Variants in METTL15 observed in about 807,000 individuals in gnomAD.
The protein encoded by METTL15 is 12S rRNA N(4)-cytidine methyltransferase METTL15.
A neutral mutation model predicts 38.3 loss-of-function variants in METTL15; 34 were observed. That is an observed-to-expected ratio of 0.89 (90% confidence interval 0.68 to 1.18). The LOEUF (loss-of-function observed/expected upper bound fraction) is 1.18, where lower values mean the gene tolerates loss of function less well. Among genes scored for constraint, METTL15 ranks in the 50% most tolerant of loss-of-function variants. METTL15 has a pLI of 0.00. For missense variants in METTL15, 438 were observed against 498.4 expected, an observed-to-expected ratio of 0.88 and a Z score of 1.15; for synonymous variants, 162 against 170.9, an observed-to-expected ratio of 0.95 and a Z score of 0.41.
intron 3 of METTL15, among the ~76,000 whole-genome samples, chr11:28,189,007 A>G (rs1261704582): frequency 6.6e-6 from 1 of 151,346 alleles, no homozygotes; most frequent in African/African-American, 2.4e-5. Flanking sequence ...AATGTGTTCA[A>G]TGTGTGATGT....
chr11:28,110,101 A>G (rs1485759686), intron 1 of METTL15, 65 bp from the exon 2 acceptor site: 1 of 152,262 alleles, frequency 6.6e-6, no homozygotes, highest in Non-Finnish European at 1.5e-5. Flanking sequence ...ACCAAAAAAT[A>G]AAAATGGAAA....
chr11:28,503,393 C>G (rs1303053987), intron 6 of METTL15, among the ~76,000 whole-genome samples: 2 of 152,196 alleles, frequency 1.3e-5, no homozygotes, highest in Admixed American at 6.5e-5. Context: ...TTTATTCTTA[C>G]TCAGAAACCG....
At chr11:28,375,531 A>G (rs1005609074) in intron 5 of METTL15, among the ~76,000 whole-genome samples, 20 of 151,452 alleles carry the variant, frequency 1.3e-4, no homozygotes, top group African/African-American at 4.9e-4. Flanking sequence ...ATCATTTTTT[A>G]TTGTGTCTAT....
chr11:28,511,176 C>T (rs959257247), intron 6 of METTL15, among the ~76,000 whole-genome samples: 3 of 152,190 alleles, frequency 2.0e-5, no homozygotes, highest in Admixed American at 6.5e-5. Flanking sequence ...TTGACCAACA[C>T]AGTGGGGGTG....
At chr11:28,279,727 C>T (rs1472158219) in intron 4 of METTL15, among the ~76,000 whole-genome samples, 2 of 151,910 alleles carry the variant, frequency 1.3e-5, no homozygotes, top group Admixed American at 6.6e-5. Flanking sequence ...GGTGAAACCC[C>T]GTCTCTACCA....
At chr11:28,141,155 G>A (rs530191963) in intron 3 of METTL15, among the ~76,000 whole-genome samples, 5 of 152,236 alleles carry the variant, frequency 3.3e-5, no homozygotes, top group African/African-American at 1.2e-4. Flanking sequence ...GTTTTTAGCG[G>A]TAATTTGGTG....
chr11:28,207,346 T>C (rs1852393914), intron 3 of METTL15, among the ~76,000 whole-genome samples: 1 of 152,176 alleles, frequency 6.6e-6, no homozygotes. Context: ...CAAAGGCCTT[T>C]TCTGCATGTA....
At chr11:28,398,239 A>C (rs1392054425) in intron 5 of METTL15, among the ~76,000 whole-genome samples, 1 of 152,094 alleles carries the variant, frequency 6.6e-6, no homozygotes, top group Non-Finnish European at 1.5e-5. Flanking sequence ...AAAAAATTCA[A>C]AAAAGGATAA....
chr11:28,263,883 T>C (rs760957969), intron 4 of METTL15, among the ~76,000 whole-genome samples: 2 of 152,104 alleles, frequency 1.3e-5, no homozygotes, highest in African/African-American at 2.4e-5. Context: ...CCCTTTGCTA[T>C]GAACGTAACT....
intron 5 of METTL15, among the ~76,000 whole-genome samples, chr11:28,418,691 A>G (rs1020180388): frequency 2.0e-5 from 3 of 152,180 alleles, no homozygotes; most frequent in African/African-American, 7.2e-5. Flanking sequence ...TAGAAAAGAC[A>G]GTTTTGAATT....
intron 6 of METTL15, among the ~76,000 whole-genome samples, chr11:28,430,762 T>C (rs1354557235): frequency 5.0e-3 from 354 of 70,110 alleles, no homozygotes; most frequent in African/African-American, 0.011. Context: ...CCGCCCCGTC[T>C]GGGAGGTGAG....
At chr11:28,186,624 T>G (rs1286480089) in intron 3 of METTL15, among the ~76,000 whole-genome samples, 1 of 151,112 alleles carries the variant, frequency 6.6e-6, no homozygotes, top group Non-Finnish European at 1.5e-5. Context: ...GTGAAAATAG[T>G]GAAGGTTAAA....
intron 3 of METTL15, among the ~76,000 whole-genome samples, chr11:28,118,037 C>T (rs1198089611): frequency 6.6e-6 from 1 of 151,920 alleles, no homozygotes; most frequent in Admixed American, 6.6e-5. Flanking sequence ...GAGTTTCGCT[C>T]TGTCGTCCAG....
intron 4 of METTL15, among the ~76,000 whole-genome samples, chr11:28,212,386 C>T (rs972215383): frequency 1.2e-4 from 19 of 152,036 alleles, no homozygotes; most frequent in South Asian, 6.2e-4. Flanking sequence ...AACTTAGATG[C>T]GCCTTCTTTA....
intron 3 of METTL15, among the ~76,000 whole-genome samples, chr11:28,169,832 A>G (rs1055705288): frequency 1.3e-5 from 2 of 152,136 alleles, no homozygotes; most frequent in African/African-American, 4.8e-5. Flanking sequence ...GAATAATTCT[A>G]TTCTCTTACT....
At chr11:28,379,372 A>G (rs1054690898) in intron 5 of METTL15, among the ~76,000 whole-genome samples, 1 of 151,818 alleles carries the variant, frequency 6.6e-6, no homozygotes, top group Admixed American at 6.6e-5. Flanking sequence ...TTAGTACATC[A>G]TTTGCTGTAT....
chr11:28,113,235 T>TA (rs1851789627), intron 2 of METTL15, 83 bp from the exon 3 acceptor site: 1 of 919,182 alleles, frequency 1.1e-6, no homozygotes, highest in Non-Finnish European at 1.6e-6. Flanking sequence ...GTGCTAAATA[T>TA]TGCATATTAA....
chr11:28,306,816 A>G (rs1410058132), intron 6 of METTL15, among the ~76,000 whole-genome samples: 5 of 152,046 alleles, frequency 3.3e-5, no homozygotes, highest in Non-Finnish European at 2.9e-5. Flanking sequence ...AATGGAAGAA[A>G]GAGTAGTTTT....
chr11:28,487,122 C>T (rs1235394023), intron 6 of METTL15, among the ~76,000 whole-genome samples: 2 of 152,022 alleles, frequency 1.3e-5, no homozygotes, highest in Non-Finnish European at 2.9e-5. Context: ...TTTGCACAGC[C>T]TTTCTGGGGG....
Sources: allele counts gnomAD v4.1 joint callset (sites outside exome capture counted in the v4.1 genomes callset), GRCh38; gene constraint gnomAD v4.1.1; transcripts MANE v1.5; gene names NCBI Gene and HGNC (gene_info 2026-07-23, HGNC 2026-07-21).